The following C12orf42 variants were observed in gnomAD, a reference collection of about 807,000 sequenced individuals.
C12orf42 encodes uncharacterized protein C12orf42.
Under a neutral mutation model 21.6 loss-of-function variants are expected in C12orf42, and 25 were observed. The observed-to-expected ratio is 1.16, with a 90% CI of 0.84 to 1.62. The LOEUF (loss-of-function observed/expected upper bound fraction) is 1.62. Ranked by LOEUF, C12orf42 falls within the 40% of genes most tolerant of loss-of-function variation. The probability of loss-of-function intolerance (pLI) is 0.00; values close to 1 mark genes in which losing one functional copy is unlikely to be tolerated. For missense variants in C12orf42, 483 were observed against 459.3 expected, an observed-to-expected ratio of 1.05 and a Z score of -0.47; for synonymous variants, 174 against 175.0, an observed-to-expected ratio of 0.99 and a Z score of 0.05.
intron 4 of C12orf42, among the ~76,000 whole-genome samples, chr12:103,348,732 A>G (rs1214627555): frequency 6.6e-6 from 1 of 152,186 alleles, no homozygotes; most frequent in Non-Finnish European, 1.5e-5. Flanking sequence ...AGAAACCAGG[A>G]AAAGAACAGG....
the C12orf42 span, among the ~76,000 whole-genome samples, chr12:103,216,097 ACT>A: frequency 3.2e-3 from 483 of 152,088 alleles, 2 homozygotes; most frequent in African/African-American, 0.011. Flanking sequence ...AGAAGTTTGG[ACT>A]CTCTGGCATA....
the C12orf42 span, among the ~76,000 whole-genome samples, chr12:103,071,513 C>T: frequency 3.9e-5 from 6 of 152,162 alleles, no homozygotes; most frequent in African/African-American, 1.2e-4. Flanking sequence ...CCAAATCTCA[C>T]CTTGAATTGT....
At chr12:103,383,134 T>C (rs1290805856) in intron 3 of C12orf42, among the ~76,000 whole-genome samples, 2 of 123,996 alleles carry the variant, frequency 1.6e-5, no homozygotes, top group African/African-American at 2.8e-5. Flanking sequence ...TTTTTTTTTT[T>C]TCTTTTTTTG....
At chr12:103,275,220 G>GA (rs142508657) in intron 5 of C12orf42, among the ~76,000 whole-genome samples, 3,013 of 151,948 alleles carry the variant, frequency 0.02, 127 homozygotes, top group African/African-American at 0.069. Context: ...TGATTTTGCT[G>GA]AAAAAATCTT....
At chr12:103,254,585 T>TA (rs1173379837) in intron 10 of C12orf42, among the ~76,000 whole-genome samples, 1 of 152,100 alleles carries the variant, frequency 6.6e-6, no homozygotes, top group African/African-American at 2.4e-5. Context: ...TATGTAGCCA[T>TA]AAAAAGGAAC....
the C12orf42 span, among the ~76,000 whole-genome samples, chr12:103,165,588 T>G: frequency 2.0e-5 from 3 of 152,176 alleles, no homozygotes; most frequent in Admixed American, 2.0e-4. Context: ...CCTTCCTGTT[T>G]TTCTTTAACA....
At chr12:103,480,389 A>T (rs1409486534) in intron 1 of C12orf42, among the ~76,000 whole-genome samples, 2 of 148,404 alleles carry the variant, frequency 1.3e-5, no homozygotes, top group African/African-American at 2.5e-5. Context: ...CAAAGCACAA[A>T]CTTTTATATT....
At chr12:103,399,546 A>G (rs564005269) in intron 3 of C12orf42, among the ~76,000 whole-genome samples, 4 of 149,252 alleles carry the variant, frequency 2.7e-5, no homozygotes, top group Admixed American at 6.7e-5. Flanking sequence ...TGACCACCCT[A>G]CCCTAACAAA....
chr12:103,322,102 C>T (rs905443706), intron 4 of C12orf42, among the ~76,000 whole-genome samples: 31 of 108,720 alleles, frequency 2.9e-4, no homozygotes, highest in Admixed American at 1.4e-3. Flanking sequence ...CAGATGTGCA[C>T]GCGCGTGCGT....
intron 2 of C12orf42, among the ~76,000 whole-genome samples, chr12:103,415,331 G>T (rs1276575738): frequency 6.6e-6 from 1 of 152,120 alleles, no homozygotes; most frequent in Admixed American, 6.5e-5. Flanking sequence ...ACTACTGGGA[G>T]ACTTCAACAC....
At chr12:103,282,407 C>T (rs935806690) in intron 4 of C12orf42, among the ~76,000 whole-genome samples, 1 of 152,096 alleles carries the variant, frequency 6.6e-6, no homozygotes, top group African/African-American at 2.4e-5. Context: ...TTTTACTGTG[C>T]CTTTTCTATG....
intron 10 of C12orf42, among the ~76,000 whole-genome samples, chr12:103,257,809 A>C (rs2034687204): frequency 6.6e-6 from 1 of 152,008 alleles, no homozygotes; most frequent in African/African-American, 2.4e-5. Flanking sequence ...ATAATTAAAG[A>C]AAACTTTCCT....
At chr12:103,496,633 G>C (rs1198961108), upstream of C12orf42, among the ~76,000 whole-genome samples, 1 of 152,100 alleles carries the variant, frequency 6.6e-6, no homozygotes, top group Non-Finnish European at 1.5e-5. Context: ...CAGAACCAAA[G>C]AGTTGTTAAG....
chr12:103,419,789 T>C (rs1199932268), intron 2 of C12orf42, among the ~76,000 whole-genome samples: 1 of 152,150 alleles, frequency 6.6e-6, no homozygotes, highest in Non-Finnish European at 1.5e-5. Context: ...TGTGGATACC[T>C]CGTCATAGCT....
chr12:103,192,285 A>T, the C12orf42 span, among the ~76,000 whole-genome samples: 2 of 152,110 alleles, frequency 1.3e-5, no homozygotes, highest in African/African-American at 4.8e-5. Flanking sequence ...TGGGCCGATC[A>T]TGAGGTCAAG....
rs1272644380 is a variant in C12orf42, at chr12:103,294,421, G to GAAA, written n.338-17212_338-17211insTTT. 9.4e-3 allele frequency among the ~76,000 whole-genome samples: 671 copies of GAAA among 71,598 alleles called. 4 individuals carry two copies. The highest frequency in any genetic ancestry group is 0.011 in the African/African-American group (179 of 15,854). 47.0% of individuals were successfully genotyped at this position (71,598 alleles called of 152,430 possible). ...AGAAAGAAAGAAAGAAAGAGAGAAA[G>GAAA]GAGAGAGAGAAAGAAAGAAAGAAAG... On this transcript the variant is annotated intron_variant and non_coding_transcript_variant, in intron 4 of 6. Transcript: ENST00000546526.
At chr12:103,202,658 A>C in the C12orf42 span, among the ~76,000 whole-genome samples, 3 of 152,292 alleles carry the variant, frequency 2.0e-5, no homozygotes, top group Middle Eastern at 3.4e-3. Context: ...CCTGACTCCA[A>C]TATAAGGAGC....
chr12:103,356,193 C>T (rs1253569131), intron 4 of C12orf42, among the ~76,000 whole-genome samples: 2 of 152,080 alleles, frequency 1.3e-5, no homozygotes, highest in African/African-American at 4.8e-5. Flanking sequence ...ATGCCTCCTC[C>T]CTTCTCTTGA....
the C12orf42 span, among the ~76,000 whole-genome samples, chr12:103,123,154 T>C: frequency 1.3e-5 from 2 of 152,174 alleles, no homozygotes; most frequent in South Asian, 2.1e-4. Context: ...TTTCAGAGAA[T>C]TTATCGTGGT....
Sources: gnomAD v4.1 joint callset for allele counts (sites outside exome capture counted in the v4.1 genomes callset) on GRCh38, gnomAD v4.1.1 for gene constraint, MANE v1.5 for transcripts, NCBI Gene and HGNC (gene_info 2026-07-23, HGNC 2026-07-21) for gene names.